CENPC: variants seen among roughly 807,000 people sequenced by gnomAD.
CENPC encodes CENP-C 1.
CENPC carries 63 observed loss-of-function variants against 112.1 expected under a neutral mutation model. The ratio of observed to expected loss-of-function variants is 0.56; its 90% CI spans 0.46 to 0.69. The LOEUF is 0.69. Ranked by LOEUF, CENPC falls within the 30% of genes least tolerant of loss-of-function variation. CENPC has a pLI of 0.00. For synonymous variants in CENPC, 333 were observed against 367.6 expected, an observed-to-expected ratio of 0.91 and a Z score of 1.08; for missense variants, 1,000 against 1,103.8, an observed-to-expected ratio of 0.91 and a Z score of 1.33.
At position 67,526,167 on chromosome 4, in the gene CENPC, G is replaced by T. The variant is rs190041925; in HGVS notation, c.331+4648C>A. Reference sequence around the variant, plus strand: ...AACATCACACACCAGGGCCTGTGGTGGGGGGAGGGAGGAAAGGGAAGGGAG... The same window carrying T: ...AACATCACACACCAGGGCCTGTGGTTGGGGGAGGGAGGAAAGGGAAGGGAG... On this transcript the variant is annotated intron_variant, in intron 5 of 18. Transcript: ENST00000273853. Among the ~76,000 whole-genome samples, 737 of 152,072 alleles carry T rather than the reference G, an allele frequency of 4.8e-3. 3 individuals are homozygous for T. Among genetic ancestry groups the T allele is most frequent in the Middle Eastern group, 0.01 (3 of 294 alleles).
rs984710576 is a variant in CENPC at position 67,470,745 on chromosome 4, C to G, written c.*1860G>C. ...TGGCTGTAGCTAACTGAAAAACTAG[C>G]AACTTTGCCGTAAGAGGAGTCTTGA... On this transcript the variant is annotated 3_prime_UTR_variant, in exon 19 of 19. Transcript: ENST00000273853. 6.6e-6 allele frequency: 1 copy of G among 152,138 alleles called. No individual in the cohort carries two copies. The highest frequency in any genetic ancestry group is 2.4e-5 in the African/African-American group (1 of 41,430). The allele number at this position is 152,138 out of a possible 1,614,324, so 9.4% of individuals were successfully genotyped here.
chr4:67,481,522 T>C (rs1175804475), intron 17 of CENPC, among the ~76,000 whole-genome samples: 1 of 152,096 alleles, frequency 6.6e-6, no homozygotes, highest in African/African-American at 2.4e-5. Context: ...AAACATATAG[T>C]TACCAAAACA....
chr4:67,492,091 AG>A lies in CENPC; in HGVS notation c.2515+88del. On this transcript the variant is annotated intron_variant, in intron 16 of 18. Coordinates refer to ENST00000273853, the MANE Select transcript of CENPC (RefSeq NM_001812.4). ...AGCACTGATAGAATTGGGGAGAGAA[AG>A]GGAAAGTAGACAGGCCAATCATCAA... The A allele has an allele frequency of 1.2e-5, 10 of 844,044 alleles. No homozygotes were observed. In the South Asian group the frequency reaches 1.7e-4, roughly 15 times the overall value. 52.3% of individuals were successfully genotyped at this position (844,044 alleles called of 1,614,324 possible). A position where few individuals can be genotyped will look rare whatever the true frequency, so the allele number is the denominator to read the frequency against.
chr4:67,509,245 CACACACACACAT>C (rs1268073712), intron 9 of CENPC, 140 bp from the exon 10 acceptor site: 6 of 501,172 alleles, frequency 1.2e-5, no homozygotes, highest in South Asian at 2.5e-5. Flanking sequence ...CACACACACA[CACACACACACAT>C]CTCAGGCTAA....
At chr4:67,510,759 T>C (rs1195835094) in intron 9 of CENPC, 4 of 316,138 alleles carry the variant, frequency 1.3e-5, no homozygotes, top group African/African-American at 2.2e-5. Context: ...ACAGGCAGGC[T>C]GGGGGCAGGT....
At chr4:67,487,720 T>C (rs1376084804) in intron 17 of CENPC, among the ~76,000 whole-genome samples, 1 of 151,728 alleles carries the variant, frequency 6.6e-6, no homozygotes, top group Non-Finnish European at 1.5e-5. Context: ...TATTTAACTT[T>C]AATATTTTCT....
chr4:67,495,349 C>T (rs957160275), intron 12 of CENPC, 137 bp from the exon 13 acceptor site: 15 of 774,828 alleles, frequency 1.9e-5, no homozygotes, highest in Non-Finnish European at 2.9e-5. Flanking sequence ...ACTCCTTTTG[C>T]TTTTCATTGC....
At chr4:67,479,533 G>T (rs1162971677) in intron 17 of CENPC, among the ~76,000 whole-genome samples, 1 of 152,142 alleles carries the variant, frequency 6.6e-6, no homozygotes, top group East Asian at 1.9e-4. Flanking sequence ...AACAATAATA[G>T]TGACACAATC....
chr4:67,492,407 T>C (rs1725309718), intron 15 of CENPC, 132 bp from the exon 16 acceptor site: 1 of 550,004 alleles, frequency 1.8e-6, no homozygotes, highest in Non-Finnish European at 3.1e-6. Context: ...TTCCTATTTA[T>C]AAATCACTCT....
At chr4:67,484,867 G>A (rs184930663) in intron 17 of CENPC, among the ~76,000 whole-genome samples, 1 of 152,176 alleles carries the variant, frequency 6.6e-6, no homozygotes, top group Non-Finnish European at 1.5e-5. Context: ...GCCTAGGTGG[G>A]CGGATCACGA....
In CENPC at chr4:67,479,003, A is replaced by C. The variant is rs576856983; in HGVS notation, c.2671-4025T>G. ...GCCATTATGTAATAAGAAATGGACT[A>C]GTCCAACAGGAAAATATCACAATCC... On this transcript the variant is annotated intron_variant, in intron 17 of 18. Coordinates refer to ENST00000273853, the MANE Select transcript of CENPC (RefSeq NM_001812.4). Among the ~76,000 whole-genome samples the C allele has an allele frequency of 3.3e-5, 5 of 152,320 alleles. No individual in the cohort carries two copies. In the South Asian group the frequency reaches 1.0e-3, roughly 32 times the overall value.
chr4:67,545,328 C>A lies in CENPC; in HGVS notation c.18+10G>T. On this transcript the variant is annotated intron_variant, in intron 1 of 18. Coordinates refer to ENST00000273853, the MANE Select transcript of CENPC (RefSeq NM_001812.4). ...CAACCACTCGCCTGGAGCGGGGGGC[C>A]TGCACTTACCAGACCGGACGCAGCC... The A allele has an allele frequency of 6.6e-7, 1 of 1,505,496 alleles. No individual in the cohort carries two copies. The highest frequency in any genetic ancestry group is 8.9e-7 in the Non-Finnish European group (1 of 1,122,146). The allele number at this position is 1,505,496 out of a possible 1,614,324, so 93.3% of individuals were successfully genotyped here. A position where few individuals can be genotyped will look rare whatever the true frequency, so the allele number is the denominator to read the frequency against.
At chr4:67,535,982 T>C (rs946431694) in intron 4 of CENPC, among the ~76,000 whole-genome samples, 4 of 152,294 alleles carry the variant, frequency 2.6e-5, no homozygotes, top group Admixed American at 1.3e-4. Flanking sequence ...TTAACTTCCA[T>C]GTACATAATG....
chr4:67,544,151 G>A lies in CENPC; in HGVS notation c.63C>T (p.Ser21=). ...NGYRRRFCRP[S]RARDINTEQG... The stretch of plus-strand genomic sequence containing the variant: ...AAAAGCTTAAGTACGTAAATCACCT[G>A]GAAGGTCGACAAAATCTTCTTCTGT... Residue 21 remains serine, a splice_region_variant and synonymous_variant, in exon 2 of 19, where the codon TCC becomes TCT. Transcript: ENST00000273853. 2 of 1,498,190 alleles carry A rather than the reference G, an allele frequency of 1.3e-6. No homozygotes were observed. Among genetic ancestry groups the A allele is most frequent in the South Asian group, 1.1e-5 (1 of 87,952 alleles). 92.8% of individuals were successfully genotyped at this position (1,498,190 alleles called of 1,614,324 possible).
At chr4:67,488,975 G>A (rs531280473) in intron 17 of CENPC, among the ~76,000 whole-genome samples, 1 of 151,708 alleles carries the variant, frequency 6.6e-6, no homozygotes, top group East Asian at 1.9e-4. Flanking sequence ...TTTACTTTAA[G>A]TTTGTTGGCA....
At chr4:67,483,205 TAGGAG>T (rs1465582650) in intron 17 of CENPC, among the ~76,000 whole-genome samples, 3 of 152,080 alleles carry the variant, frequency 2.0e-5, no homozygotes, top group Non-Finnish European at 4.4e-5. Context: ...CAGTTCTTTA[TAGGAG>T]TATGAGAAGG....
At chr4:67,484,070 T>C (rs934803562) in intron 17 of CENPC, among the ~76,000 whole-genome samples, 1 of 152,318 alleles carries the variant, frequency 6.6e-6, no homozygotes. Flanking sequence ...CACTGACTCA[T>C]CCAGGACCAC....
chr4:67,514,448 G>T lies in CENPC; in HGVS notation c.1070C>A (p.Thr357Asn). The T allele has an allele frequency of 3.1e-6, 5 of 1,613,564 alleles. No homozygotes were observed. Among genetic ancestry groups the T allele is most frequent in the Non-Finnish European group, 4.2e-6 (5 of 1,179,856 alleles). ...REKHHNILPKTLANDKHSHKP... is the reference protein window; with the variant it reads ...REKHHNILPKNLANDKHSHKP... ...ATGGGAATGTTTGTCATTTGCCAAA[G>T]TCTTAGGTAATATATTATGATGCTT... Residue 357 changes from threonine to asparagine, a missense_variant, in exon 8 of 19, where the codon ACT (threonine) becomes AAT (asparagine). Physicochemically the swap from Thr to Asn is moderately conservative, Grantham distance 65. Transcript: ENST00000273853.
chr4:67,522,773 G>A (rs1016717462), intron 5 of CENPC, among the ~76,000 whole-genome samples: 1 of 152,170 alleles, frequency 6.6e-6, no homozygotes, highest in Non-Finnish European at 1.5e-5. Context: ...GCCAAGGTGG[G>A]TGGATCACCT....
Sources: allele counts gnomAD v4.1 joint callset (sites outside exome capture counted in the v4.1 genomes callset), GRCh38; gene constraint gnomAD v4.1.1; transcripts MANE v1.5; gene names NCBI Gene and HGNC (gene_info 2026-07-23, HGNC 2026-07-21).